The following GALNTL6 variants were observed in gnomAD, a reference collection of about 807,000 sequenced individuals.
GALNTL6 encodes polypeptide N-acetylgalactosaminyltransferase like 6.
GALNTL6 carries 46 observed loss-of-function variants against 73.7 expected under a neutral mutation model. That is an observed-to-expected ratio of 0.62 (90% confidence interval 0.49 to 0.80). The LOEUF (loss-of-function observed/expected upper bound fraction) is 0.80. Ranked by LOEUF, GALNTL6 falls within the 30% of genes least tolerant of loss-of-function variation. The pLI is 0.00. For synonymous variants in GALNTL6, 259 were observed against 263.7 expected, an observed-to-expected ratio of 0.98 and a Z score of 0.17; for missense variants, 604 against 755.0, an observed-to-expected ratio of 0.80 and a Z score of 2.34.
rs373203103 is a variant in GALNTL6, at chr4:172,364,153, C to T, written c.553+15464C>T. ...GTAAAATTAGGACTGGGCATGGTAG[C>T]TCATGCCTGTATTTTCAGCCCTCTG... On this transcript the variant is annotated intron_variant, in intron 5 of 12. Transcript: ENST00000506823. Among the ~76,000 whole-genome samples, 5 of 152,274 alleles carry T rather than the reference C, an allele frequency of 3.3e-5. No homozygotes were observed. The South Asian group carries it at 1.0e-3, about 32-fold the overall frequency.
At chr4:172,820,844 C>T (rs1294274318) in intron 7 of GALNTL6, among the ~76,000 whole-genome samples, 1 of 152,202 alleles carries the variant, frequency 6.6e-6, no homozygotes, top group Non-Finnish European at 1.5e-5. Flanking sequence ...ACCTCAGCCT[C>T]CAACCACATA....
At chr4:172,405,104 A>T (rs1744162379) in intron 5 of GALNTL6, among the ~76,000 whole-genome samples, 1 of 151,962 alleles carries the variant, frequency 6.6e-6, no homozygotes, top group Non-Finnish European at 1.5e-5. Context: ...AGACATTTTT[A>T]GAGCAAAATG....
At chr4:172,226,605 C>CTG (rs3083245) in intron 2 of GALNTL6, among the ~76,000 whole-genome samples, 2,071 of 149,680 alleles carry the variant, frequency 0.014, 49 homozygotes, top group African/African-American at 0.046. Context: ...GTGTGTGTTT[C>CTG]TGTGTGTGTG....
chr4:172,303,049 G>T (rs1411546450), intron 3 of GALNTL6, among the ~76,000 whole-genome samples: 2 of 151,876 alleles, frequency 1.3e-5, no homozygotes, highest in African/African-American at 4.8e-5. Context: ...ACCCAGGCTG[G>T]AGTGCAGTGG....
intron 5 of GALNTL6, chr4:172,667,258 T>A (rs1319526230): frequency 1.3e-5 from 2 of 152,236 alleles, no homozygotes; most frequent in Non-Finnish European, 2.9e-5. Flanking sequence ...CTCCATCACC[T>A]GTGTTAGGAG....
chr4:172,214,720 G>A, intron 2 of GALNTL6, among the ~76,000 whole-genome samples: 1 of 151,734 alleles, frequency 6.6e-6, no homozygotes, highest in East Asian at 1.9e-4. Flanking sequence ...TCACCATGTT[G>A]GTCAGGCTGG....
chr4:172,240,694 T>A (rs1291154817), intron 3 of GALNTL6, among the ~76,000 whole-genome samples: 1 of 152,220 alleles, frequency 6.6e-6, no homozygotes, highest in Non-Finnish European at 1.5e-5. Context: ...CTCTATCAGA[T>A]CAGTTTGATT....
chr4:172,414,655 A>G (rs192205304), intron 5 of GALNTL6, among the ~76,000 whole-genome samples: 43 of 152,296 alleles, frequency 2.8e-4, no homozygotes, highest in Middle Eastern at 6.8e-3. Context: ...TTAAATTGCC[A>G]GTCATCAGAA....
chr4:172,748,825 G>T (rs369257912), intron 5 of GALNTL6, among the ~76,000 whole-genome samples: 1 of 152,300 alleles, frequency 6.6e-6, no homozygotes, highest in East Asian at 1.9e-4. Context: ...AGCCAGATTT[G>T]ATCATTCCAT....
At chr4:172,961,868 A>C (rs1278400107) in intron 10 of GALNTL6, among the ~76,000 whole-genome samples, 4 of 152,192 alleles carry the variant, frequency 2.6e-5, no homozygotes. Flanking sequence ...CTCCCAAGGG[A>C]GGTCCCCCGA....
At chr4:172,157,263 G>T (rs1236276393) in intron 2 of GALNTL6, among the ~76,000 whole-genome samples, 1 of 152,164 alleles carries the variant, frequency 6.6e-6, no homozygotes, top group African/African-American at 2.4e-5. Context: ...ACTATATCGA[G>T]TCTCAGAAGA....
chr4:172,578,605 G>T (rs1269249064), intron 5 of GALNTL6, among the ~76,000 whole-genome samples: 1 of 152,116 alleles, frequency 6.6e-6, no homozygotes, highest in Non-Finnish European at 1.5e-5. Flanking sequence ...ATATTTCCAC[G>T]TGATTTATTA....
intron 2 of GALNTL6, among the ~76,000 whole-genome samples, chr4:171,856,545 G>C (rs1459447858): frequency 1.3e-5 from 2 of 152,124 alleles, no homozygotes; most frequent in African/African-American, 4.8e-5. Context: ...TTATGGTTTT[G>C]AATATTATAT....
At chr4:173,018,642 A>G (rs1752874201) in intron 11 of GALNTL6, among the ~76,000 whole-genome samples, 2 of 152,244 alleles carry the variant, frequency 1.3e-5, no homozygotes, top group African/African-American at 4.8e-5. Flanking sequence ...TGAATCTTAC[A>G]TGACAGATGA....
Position 172,762,801 on chromosome 4 carries a change from A to C in GALNTL6, c.554-46560A>C, listed in dbSNP as rs79983134. Among the ~76,000 whole-genome samples the C allele has an allele frequency of 2.9e-3, 398 of 135,056 alleles. 4 individuals carry two copies. In the East Asian group the frequency reaches 0.032, roughly 11 times the overall value. 88.6% of individuals were successfully genotyped at this position (135,056 alleles called of 152,430 possible). On this transcript the variant is annotated intron_variant, in intron 5 of 12. Coordinates refer to ENST00000506823, the MANE Select transcript of GALNTL6 (RefSeq NM_001034845.3). The stretch of plus-strand genomic sequence containing the variant: ...ATTCACTCAAAAAAAAAAAAAAAAA[A>C]CCCAGTGAAAGTAACATCGATTTAT...
chr4:172,683,745 T>C (rs1409322567), intron 5 of GALNTL6, among the ~76,000 whole-genome samples: 4 of 152,194 alleles, frequency 2.6e-5, no homozygotes, highest in African/African-American at 9.7e-5. Context: ...TTGAACAGAA[T>C]GAAGCAGTTA....
chr4:172,661,700 A>G (rs562252837), intron 5 of GALNTL6, among the ~76,000 whole-genome samples: 24 of 152,314 alleles, frequency 1.6e-4, no homozygotes, highest in Admixed American at 3.3e-4. Context: ...GCACATGCCA[A>G]TTTCAGGGCC....
chr4:172,488,964 C>G (rs1467494281), intron 5 of GALNTL6, among the ~76,000 whole-genome samples: 1 of 152,154 alleles, frequency 6.6e-6, no homozygotes, highest in Non-Finnish European at 1.5e-5. Flanking sequence ...AATGTCCTAT[C>G]CATTCCATTC....
chr4:172,553,282 G>C (rs1241258806), intron 5 of GALNTL6, among the ~76,000 whole-genome samples: 1 of 152,124 alleles, frequency 6.6e-6, no homozygotes, highest in Non-Finnish European at 1.5e-5. Flanking sequence ...AAATTGACTT[G>C]AACAGCCTCA....
Sources: allele counts gnomAD v4.1 joint callset (sites outside exome capture counted in the v4.1 genomes callset), GRCh38; gene constraint gnomAD v4.1.1; transcripts MANE v1.5; gene names NCBI Gene and HGNC (gene_info 2026-07-23, HGNC 2026-07-21).